NPR3: variants seen among roughly 807,000 people sequenced by gnomAD.
NPR3 encodes the protein atrial natriuretic peptide receptor 3.
NPR3 carries 34 observed loss-of-function variants against 54.5 expected under a neutral mutation model. The ratio of observed to expected loss-of-function variants is 0.62; its 90% CI spans 0.47 to 0.83. The LOEUF is 0.83. Ranked by LOEUF, NPR3 falls within the 40% of genes least tolerant of loss-of-function variation. The pLI, the probability that NPR3 is intolerant of heterozygous loss-of-function variation, is 0.00. For synonymous variants in NPR3, 289 were observed against 297.1 expected (o/e 0.97, Z 0.28); for missense variants, 674 against 720.8 (o/e 0.94, Z 0.74).
At chr5:32,747,697 G>A (rs1456457527) in intron 3 of NPR3, among the ~76,000 whole-genome samples, 3 of 151,332 alleles carry the variant, frequency 2.0e-5, no homozygotes, top group Admixed American at 1.3e-4. Flanking sequence ...CTTTTCTCAG[G>A]TATCAGATCT....
chr5:32,712,190 T>C lies in NPR3; in HGVS notation c.414T>C (p.Tyr138=). The change falls in exon 1 of 8, where the codon TAT becomes TAC. Residue 138 remains tyrosine (Y), a synonymous_variant. Coordinates refer to ENST00000265074, the MANE Select transcript of NPR3 (RefSeq NM_001204375.2). ...TTATCCTGGGGCCAGTGTGCGAGTA[T>C]GCAGCAGCGCCAGTGGCCCGGCTTG... ...PDLILGPVCE[Y]AAAPVARLAS... is the part of the protein sequence containing the mutation. 1 of 1,612,950 alleles carries C rather than the reference T, an allele frequency of 6.2e-7. No homozygotes were observed. The highest frequency in any genetic ancestry group is 8.5e-7 in the Non-Finnish European group (1 of 1,179,696).
chr5:32,786,061 A>G (rs2112080229), intron 7 of NPR3, among the ~76,000 whole-genome samples, 173 bp from the exon 8 acceptor site: 2 of 152,340 alleles, frequency 1.3e-5, no homozygotes, highest in South Asian at 4.1e-4. Context: ...TCTCTTGAAT[A>G]AGGGCACCAT....
At chr5:32,761,339 G>T (rs1357930894) in intron 3 of NPR3, among the ~76,000 whole-genome samples, 2 of 151,920 alleles carry the variant, frequency 1.3e-5, no homozygotes, top group Non-Finnish European at 2.9e-5. Flanking sequence ...CATTTATTTG[G>T]GTCTTCTTTA....
In NPR3 at chr5:32,756,057, A is replaced by G. The variant is rs542597030; in HGVS notation, c.1059+17027A>G. Reference sequence around the variant, plus strand: ...TTTGCTATGTGAATAGTGCTGCAATAAACATATGTGTGCATGTGCCTTTAT... The same window carrying G: ...TTTGCTATGTGAATAGTGCTGCAATGAACATATGTGTGCATGTGCCTTTAT... On this transcript the variant is annotated intron_variant, in intron 3 of 7. Coordinates refer to ENST00000265074, the MANE Select transcript of NPR3 (RefSeq NM_001204375.2). Among the ~76,000 whole-genome samples, 16 of 152,366 alleles carry G rather than the reference A, an allele frequency of 1.1e-4. 1 individual carries two copies. The highest frequency in any genetic ancestry group is 1.0e-3 in the South Asian group (5 of 4,822).
chr5:32,737,466 A>C (rs141132148), intron 2 of NPR3, among the ~76,000 whole-genome samples: 22 of 152,316 alleles, frequency 1.4e-4, no homozygotes, highest in Middle Eastern at 3.4e-3. Context: ...TGAGTGCCAC[A>C]AAGTCCTGGC....
rs1481179024 is a variant in NPR3 at position 32,788,425 on chromosome 5, T to C, written c.*2080T>C. 6.6e-6 allele frequency: 1 copy of C among 152,218 alleles called. No homozygotes were observed. Among genetic ancestry groups the C allele is most frequent in the Non-Finnish European group, 1.5e-5 (1 of 68,044 alleles). 9.4% of individuals were successfully genotyped at this position (152,218 alleles called of 1,614,324 possible). On this transcript the variant is annotated 3_prime_UTR_variant, in exon 8 of 8. Coordinates refer to ENST00000265074, the MANE Select transcript of NPR3 (RefSeq NM_001204375.2). Reference sequence around the variant, plus strand: ...GAAGGATTGTGTCCATCTTACTTACTTGAATTGGAGAGCTTGTTTCTCTCT... The same window carrying C: ...GAAGGATTGTGTCCATCTTACTTACCTGAATTGGAGAGCTTGTTTCTCTCT...
intron 4 of NPR3, among the ~76,000 whole-genome samples, chr5:32,777,129 G>A (rs1017420897): frequency 3.9e-5 from 6 of 152,206 alleles, no homozygotes; most frequent in Admixed American, 1.3e-4. Flanking sequence ...CAGATCATGC[G>A]GACCTGCAAG....
intron 1 of NPR3, chr5:32,716,519 G>A (rs1346634343): frequency 6.8e-6 from 3 of 439,848 alleles, no homozygotes; most frequent in East Asian, 1.4e-4. Flanking sequence ...TTCTCAGTAG[G>A]CTGAGGCAGG....
At chr5:32,714,044 C>T (rs1738410536) in intron 1 of NPR3, among the ~76,000 whole-genome samples, 2 of 152,258 alleles carry the variant, frequency 1.3e-5, no homozygotes, top group South Asian at 4.1e-4. Context: ...TCCCAGTCGC[C>T]AGGTTACTGC....
intron 1 of NPR3, among the ~76,000 whole-genome samples, chr5:32,723,929 C>T (rs1738999503): frequency 6.6e-6 from 1 of 151,678 alleles, no homozygotes; most frequent in African/African-American, 2.4e-5. Context: ...TACCCATCTA[C>T]CTATCATCTA....
chr5:32,780,275 A>G (rs1049924312), intron 4 of NPR3, among the ~76,000 whole-genome samples: 18 of 152,346 alleles, frequency 1.2e-4, no homozygotes, highest in African/African-American at 3.8e-4. Context: ...CAGCCTGGAG[A>G]AAAGCACATT....
intron 3 of NPR3, among the ~76,000 whole-genome samples, chr5:32,740,994 A>G (rs1157079583): frequency 1.3e-5 from 2 of 149,294 alleles, no homozygotes; most frequent in Admixed American, 1.4e-4. Context: ...AGCCTGGGTC[A>G]TTATTGAAAA....
intron 3 of NPR3, among the ~76,000 whole-genome samples, chr5:32,758,826 A>G (rs2112005959): frequency 6.6e-6 from 1 of 152,300 alleles, no homozygotes; most frequent in South Asian, 2.1e-4. Flanking sequence ...TTGGTTTCAA[A>G]GAACATCTTT....
At chr5:32,760,497 G>A (rs933596606) in intron 3 of NPR3, among the ~76,000 whole-genome samples, 8 of 151,938 alleles carry the variant, frequency 5.3e-5, no homozygotes, top group Admixed American at 2.0e-4. Flanking sequence ...TTTTGTGACC[G>A]GTCTGCTGAA....
At chr5:32,710,490 A>T, upstream of NPR3, 1 of 638,570 alleles carries the variant, frequency 1.6e-6, no homozygotes, top group Non-Finnish European at 2.3e-6. Flanking sequence ...AACAAGTTTC[A>T]CTTTCCTGCT....
intron 1 of NPR3, among the ~76,000 whole-genome samples, chr5:32,703,840 C>T (rs910300529): frequency 2.0e-5 from 3 of 152,228 alleles, no homozygotes; most frequent in African/African-American, 4.8e-5. Context: ...GGGGTGCAAG[C>T]ACTGCCTTGG....
At chr5:32,751,044 G>A (rs184771959) in intron 3 of NPR3, among the ~76,000 whole-genome samples, 452 of 152,208 alleles carry the variant, frequency 3.0e-3, no homozygotes, top group African/African-American at 8.7e-3. Flanking sequence ...TACATGGACA[G>A]GAACATCATT....
At chr5:32,777,940 G>T (rs1742147073) in intron 4 of NPR3, among the ~76,000 whole-genome samples, 1 of 152,126 alleles carries the variant, frequency 6.6e-6, no homozygotes, top group East Asian at 1.9e-4. Flanking sequence ...CACAACCTTG[G>T]TCGGCCACAT....
intron 2 of NPR3, among the ~76,000 whole-genome samples, chr5:32,736,819 C>G (rs980242006): frequency 2.0e-5 from 3 of 152,138 alleles, no homozygotes; most frequent in Non-Finnish European, 4.4e-5. Context: ...TCAAGTTTTG[C>G]TCGGTGGCCT....
Sources: gnomAD v4.1 joint callset for allele counts (sites outside exome capture counted in the v4.1 genomes callset) on GRCh38, gnomAD v4.1.1 for gene constraint, MANE v1.5 for transcripts, NCBI Gene and HGNC (gene_info 2026-07-23, HGNC 2026-07-21) for gene names.